Variants in DNAH8 observed in about 807,000 individuals in gnomAD.
DNAH8 encodes the protein axonemal beta dynein heavy chain 8.
DNAH8 carries 382 observed loss-of-function variants against 562.1 expected under a neutral mutation model. The observed-to-expected ratio is 0.68, with a 90% CI of 0.63 to 0.74. The LOEUF is 0.74. Ranked by LOEUF, DNAH8 falls within the 30% of genes least tolerant of loss-of-function variation. DNAH8 has a pLI of 0.00. For synonymous variants in DNAH8, 1,881 were observed against 1,919.4 expected (o/e 0.98, Z 0.52); for missense variants, 5,203 against 5,620.4 (o/e 0.93, Z 2.37).
At chr6:38,730,343 G>A (rs1232998018) in intron 4 of DNAH8, among the ~76,000 whole-genome samples, 1 of 152,204 alleles carries the variant, frequency 6.6e-6, no homozygotes. Flanking sequence ...ACCCCCTGTG[G>A]TCCTATCTCA....
chr6:39,004,362 T>C (rs1443500078), intron 88 of DNAH8, among the ~76,000 whole-genome samples: 1 of 152,250 alleles, frequency 6.6e-6, no homozygotes, highest in Non-Finnish European at 1.5e-5. Flanking sequence ...TGTTTTATAC[T>C]ATAATGCTTA....
chr6:38,865,305 A>G (rs903513475), intron 45 of DNAH8, among the ~76,000 whole-genome samples: 2 of 152,350 alleles, frequency 1.3e-5, no homozygotes, highest in Admixed American at 1.3e-4. Flanking sequence ...TTAGGGGGAA[A>G]TAAGAATAAT....
At position 38,862,390 on chromosome 6, in the gene DNAH8, G is replaced by C; in HGVS notation, c.6242G>C (p.Gly2081Ala). Residue 2081 changes from glycine to alanine, a missense_variant, in exon 44 of 93, where the codon GGA becomes GCA. Coordinates refer to ENST00000327475, the MANE Select transcript of DNAH8 (RefSeq NM_001206927.2). ...ACAAAAGACATGGGAAGGTGTTTGG[G>C]AAAATATGTGGTCGTGTTCAATTGC... ...ETTKDMGRCL[G>A]KYVVVFNCSD... 1.1e-5 allele frequency: 17 copies of C among 1,614,152 alleles called. No homozygotes were observed. The highest frequency in any genetic ancestry group is 1.4e-5 in the Non-Finnish European group (16 of 1,179,988).
intron 10 of DNAH8, among the ~76,000 whole-genome samples, chr6:38,760,873 C>T (rs1321632476): frequency 1.3e-5 from 2 of 152,024 alleles, no homozygotes; most frequent in African/African-American, 2.4e-5. Context: ...TCGTGTACAG[C>T]CTACAGAGCT....
Position 39,030,260 on chromosome 6 carries a change from G to C in DNAH8, c.13992G>C (p.Leu4664=), listed in dbSNP as rs371719991. 6.4e-4 allele frequency: 1,031 copies of C among 1,614,038 alleles called. No individual in the cohort carries two copies. The highest frequency in any genetic ancestry group is 7.9e-4 in the Non-Finnish European group (933 of 1,180,044). The change falls in exon 93 of 93, where the codon CTG becomes CTC. Residue 4664 remains leucine, a synonymous_variant. Transcript: ENST00000327475. The part of the protein sequence containing the change: ...INSTAPKDPK[L]YVCPIYKKPR... ...CCACGGCACCCAAGGACCCCAAGCT[G>C]TATGTGTGTCCTATTTACAAGAAAC... is the stretch of plus-strand genomic sequence containing the variant.
chr6:38,999,980 CAAT>C (rs1280527610), intron 88 of DNAH8, among the ~76,000 whole-genome samples: 5 of 151,374 alleles, frequency 3.3e-5, no homozygotes, highest in Non-Finnish European at 5.9e-5. Context: ...AATAAAAAAA[CAAT>C]AATAACAATA....
At chr6:38,742,414 C>A (rs1320833607) in intron 8 of DNAH8, among the ~76,000 whole-genome samples, 2 of 152,114 alleles carry the variant, frequency 1.3e-5, no homozygotes, top group Non-Finnish European at 2.9e-5. Context: ...TATCTTGCCT[C>A]AGCCTCCTGA....
At chr6:38,866,398 GA>G (rs1247547712) in intron 45 of DNAH8, among the ~76,000 whole-genome samples, 192 bp from the exon 46 acceptor site, 1 of 151,996 alleles carries the variant, frequency 6.6e-6, no homozygotes, top group African/African-American at 2.4e-5. Flanking sequence ...CATGAAAATG[GA>G]AATATATAAA....
intron 91 of DNAH8, among the ~76,000 whole-genome samples, chr6:39,018,507 A>T (rs1766699864): frequency 6.6e-6 from 1 of 152,110 alleles, no homozygotes; most frequent in Admixed American, 6.5e-5. Context: ...CCCCTCGTTG[A>T]TGACCTCAGC....
intron 91 of DNAH8, among the ~76,000 whole-genome samples, chr6:39,018,939 G>A (rs552426332): frequency 2.0e-5 from 3 of 152,232 alleles, no homozygotes; most frequent in Admixed American, 1.3e-4. Context: ...TGAGTGAAAC[G>A]AGGAAATGGA....
intron 35 of DNAH8, among the ~76,000 whole-genome samples, chr6:38,843,402 C>T (rs929620075): frequency 6.6e-6 from 1 of 150,400 alleles, no homozygotes; most frequent in African/African-American, 2.4e-5. Context: ...ATTCTTAGAT[C>T]TACAGTCTTA....
At chr6:38,839,147 G>A (rs959005148) in intron 33 of DNAH8, among the ~76,000 whole-genome samples, 5 of 152,020 alleles carry the variant, frequency 3.3e-5, no homozygotes, top group African/African-American at 1.2e-4. Flanking sequence ...AGAACCTCTG[G>A]GATTGGGTCC....
Position 38,973,732 on chromosome 6 carries a change from T to C in DNAH8, c.12597T>C (p.Ile4199=). The change falls in exon 84 of 93, where the codon ATT becomes ATC. Residue 4199 remains isoleucine (I), a synonymous_variant. Coordinates refer to ENST00000327475, the MANE Select transcript of DNAH8 (RefSeq NM_001206927.2). ...TGGAAGAATTACTAGAGACGCTAAT[T>C]ACCACTGAAGCCAGTGATGATTCTT... is the stretch of plus-strand genomic sequence containing the variant. ...EFMEELLETL[I]TTEASDDSFR... 6.2e-7 allele frequency: 1 copy of C among 1,609,906 alleles called. No individual in the cohort carries two copies. Among genetic ancestry groups the C allele is most frequent in the Non-Finnish European group, 8.5e-7 (1 of 1,177,806 alleles).
intron 24 of DNAH8, among the ~76,000 whole-genome samples, chr6:38,809,090 T>G (rs568845411): frequency 9.6e-5 from 14 of 145,816 alleles, no homozygotes; most frequent in Non-Finnish European, 1.7e-4. Flanking sequence ...AAAGTACGAT[T>G]AAAAAAAAAA....
At chr6:38,945,935 T>C (rs912020567) in intron 80 of DNAH8, among the ~76,000 whole-genome samples, 4 of 152,232 alleles carry the variant, frequency 2.6e-5, no homozygotes, top group African/African-American at 7.2e-5. Context: ...AAGTGATTTG[T>C]ACAGATTTGA....
intron 8 of DNAH8, among the ~76,000 whole-genome samples, chr6:38,750,171 C>G (rs1475923388): frequency 6.6e-6 from 1 of 152,170 alleles, no homozygotes; most frequent in Admixed American, 6.5e-5. Context: ...TTCTTGAAGA[C>G]CCAGAGTAAT....
intron 9 of DNAH8, among the ~76,000 whole-genome samples, chr6:38,755,567 A>G (rs1765836499): frequency 6.6e-6 from 1 of 152,184 alleles, no homozygotes; most frequent in Non-Finnish European, 1.5e-5. Flanking sequence ...AGCTGGGCTT[A>G]TGACCTTAAG....
intron 82 of DNAH8, among the ~76,000 whole-genome samples, chr6:38,961,731 G>A (rs921267212): frequency 9.9e-5 from 15 of 151,954 alleles, no homozygotes; most frequent in African/African-American, 3.1e-4. Context: ...CCCAAACATC[G>A]TGATACTTAT....
chr6:38,783,384 T>G lies in DNAH8; in HGVS notation c.2395+245T>G, dbSNP rs56397397. On this transcript the variant is annotated intron_variant, in intron 17 of 92. Coordinates refer to ENST00000327475, the MANE Select transcript of DNAH8 (RefSeq NM_001206927.2). ...AGGACTTTCTACCAAAAACCAGTAT[T>G]TGAAAGTAAAAATATCTTTAGGGAT... Among the ~76,000 whole-genome samples the G allele has an allele frequency of 0.27, 41,241 of 152,088 alleles. 6,482 individuals are homozygous for G. The highest frequency in any genetic ancestry group is 0.35 in the Admixed American group (5,397 of 15,278).
Sources: gnomAD v4.1 joint callset for allele counts (sites outside exome capture counted in the v4.1 genomes callset) on GRCh38, gnomAD v4.1.1 for gene constraint, MANE v1.5 for transcripts, NCBI Gene and HGNC (gene_info 2026-07-23, HGNC 2026-07-21) for gene names.